Variants in ZSCAN26 observed in about 807,000 individuals in gnomAD.
The protein encoded by ZSCAN26 is zinc finger and SCAN domain containing 26.
In ZSCAN26, 26 loss-of-function variants were observed where a neutral mutation model predicts 23.0. The observed-to-expected ratio is 1.13, with a 90% CI of 0.83 to 1.57. ZSCAN26 has a LOEUF of 1.57. ZSCAN26 is among the 40% of genes most tolerant of loss of function. ZSCAN26 has a pLI of 0.00. For missense variants in ZSCAN26, 528 were observed against 568.5 expected (o/e 0.93, Z 0.72); for synonymous variants, 180 against 202.5 (o/e 0.89, Z 0.94).
chr6:28,272,151 C>T lies in ZSCAN26; in HGVS notation c.232C>T (p.Gln78Ter). 1.2e-6 allele frequency: 2 copies of T among 1,612,424 alleles called. No homozygotes were observed. Among genetic ancestry groups the T allele is most frequent in the Non-Finnish European group, 1.7e-6 (2 of 1,179,508 alleles). The change falls in exon 2 of 4, where the codon CAG becomes TAG. Residue 78 changes from glutamine to a stop codon, truncating the protein, a stop_gained. Coordinates refer to ENST00000421553, the MANE Select transcript of ZSCAN26 (RefSeq NM_001023560.4). LOFTEE classifies it high-confidence loss of function. The part of the protein sequence containing the change: ...ALSRLRELCQ[Q>*]WLQPETHTKE... ...AAGTCGGCTCCGGGAGCTCTGTCAACAGTGGCTACAGCCCGAGACCCATAC... is the reference window on the plus strand; with the variant it reads ...AAGTCGGCTCCGGGAGCTCTGTCAATAGTGGCTACAGCCCGAGACCCATAC...
rs746385615 is a variant in ZSCAN26 at position 28,276,468 on chromosome 6, C to T, written c.812C>T (p.Thr271Ile). ...ESDVCQSSSL[T>I]GHKKVLSREK... Reference sequence around the variant, plus strand: ...GATGTGTGTCAGAGTTCCAGTCTTACAGGACATAAGAAAGTCCTCTCTAGA... The same window carrying T: ...GATGTGTGTCAGAGTTCCAGTCTTATAGGACATAAGAAAGTCCTCTCTAGA... The change falls in exon 4 of 4, where the codon ACA becomes ATA. Residue 271 changes from threonine (T) to isoleucine (I), a missense_variant. Transcript: ENST00000421553. The T allele has an allele frequency of 3.1e-5, 50 of 1,613,844 alleles. No homozygotes were observed. Among genetic ancestry groups the T allele is most frequent in the Non-Finnish European group, 4.2e-5 (49 of 1,179,870 alleles).
intron 1 of ZSCAN26, among the ~76,000 whole-genome samples, chr6:28,270,598 A>C (rs1190579899): frequency 6.6e-6 from 1 of 152,218 alleles, no homozygotes; most frequent in Non-Finnish European, 1.5e-5. Context: ...ATCTGACCTG[A>C]AGAATAAGGA....
At chr6:28,272,555 G>GC (rs1761741640) in intron 2 of ZSCAN26, 115 bp from the exon 3 acceptor site, 1 of 1,046,220 alleles carries the variant, frequency 9.6e-7, no homozygotes, top group African/African-American at 1.6e-5. Flanking sequence ...TCTTTTCTTT[G>GC]CCCCTCTGGG....
At position 28,276,838 on chromosome 6, in the gene ZSCAN26, CCATCAATG is replaced by C; in HGVS notation, c.1183_1190del (p.His395Ter). On this transcript the variant is annotated frameshift_variant, in exon 4 of 4. Transcript: ENST00000421553. LOFTEE classifies it low-confidence loss of function (END_TRUNC). ...AGAGAATCCATAGTCACTCCAAAAG[CCATCAATG>C]TAACGAGTGTGGAAAAGCTTTCAGT... 2.5e-6 allele frequency: 4 copies of C among 1,613,926 alleles called. No individual in the cohort carries two copies. The highest frequency in any genetic ancestry group is 3.4e-6 in the Non-Finnish European group (4 of 1,179,856).
In ZSCAN26 at chr6:28,272,165, C is replaced by T. The variant is rs763205445; in HGVS notation, c.246C>T (p.Pro82=). The T allele has an allele frequency of 3.7e-6, 6 of 1,613,470 alleles. No homozygotes were observed. The highest frequency in any genetic ancestry group is 2.2e-5 in the East Asian group (1 of 44,852). Reference sequence around the variant, plus strand: ...AGCTCTGTCAACAGTGGCTACAGCCCGAGACCCATACCAAGGAGCAGATCC... The same window carrying T: ...AGCTCTGTCAACAGTGGCTACAGCCTGAGACCCATACCAAGGAGCAGATCC... ...LRELCQQWLQ[P]ETHTKEQILE... The change falls in exon 2 of 4, where the codon CCC becomes CCT. Residue 82 remains proline (P), a synonymous_variant. Coordinates refer to ENST00000421553, the MANE Select transcript of ZSCAN26 (RefSeq NM_001023560.4).
In ZSCAN26 at chr6:28,276,845, T is replaced by C. The variant is rs1761965974; in HGVS notation, c.1189T>C (p.Cys397Arg). 3 of 1,613,948 alleles carry C rather than the reference T, an allele frequency of 1.9e-6. No homozygotes were observed. Among genetic ancestry groups the C allele is most frequent in the Non-Finnish European group, 2.5e-6 (3 of 1,179,862 alleles). The change falls in exon 4 of 4, where the codon TGT (cysteine) becomes CGT (arginine). Residue 397 changes from cysteine to arginine, a missense_variant. By Grantham distance (180) the Cys-to-Arg change is radical. Transcript: ENST00000421553. ...CCATAGTCACTCCAAAAGCCATCAA[T>C]GTAACGAGTGTGGAAAAGCTTTCAG... ...RIHSHSKSHQ[C>R]NECGKAFSLT...
chr6:28,274,436 C>T (rs1046304697), intron 3 of ZSCAN26, among the ~76,000 whole-genome samples: 1 of 152,150 alleles, frequency 6.6e-6, no homozygotes, highest in African/African-American at 2.4e-5. Flanking sequence ...ACCATGTAAT[C>T]AGTGATGGGT....
intron 3 of ZSCAN26, 65 bp from the exon 4 acceptor site, chr6:28,276,130 G>A: frequency 2.1e-6 from 3 of 1,435,076 alleles, no homozygotes; most frequent in Non-Finnish European, 2.8e-6. Context: ...TTTCCTTTTA[G>A]TTGCAGATTC....
chr6:28,276,562 GA>G lies in ZSCAN26; in HGVS notation c.910del (p.Ile304SerfsTer103). 3.7e-6 allele frequency: 6 copies of G among 1,613,490 alleles called. No homozygotes were observed. Among genetic ancestry groups the G allele is most frequent in the South Asian group, 1.1e-5 (1 of 90,934 alleles). ...QRSSHLVRHQ[K>X]IHLGEKPYQC... ...GGAGTTCACACCTCGTCAGACATCA[GA>G]AAATCCATCTTGGTGAGAAGCCTTA... On this transcript the variant is annotated frameshift_variant, in exon 4 of 4. Transcript: ENST00000421553. LOFTEE classifies it low-confidence loss of function (END_TRUNC).
rs1483536277 is a variant in ZSCAN26, at chr6:28,277,064, C to CA, written c.1409dup (p.Arg471GlufsTer26). ...GCAAAGGTCAGGTCTTTTTCAACAT[C>CA]AGAGATATCACCACAAAGACAAACT... On this transcript the variant is annotated frameshift_variant, in exon 4 of 4. Coordinates refer to ENST00000421553, the MANE Select transcript of ZSCAN26 (RefSeq NM_001023560.4). LOFTEE classifies it high-confidence loss of function. The CA allele has an allele frequency of 6.2e-7, 1 of 1,613,538 alleles. No individual in the cohort carries two copies. Among genetic ancestry groups the CA allele is most frequent in the East Asian group, 2.2e-5 (1 of 44,894 alleles).
At chr6:28,269,805 T>G (rs1222512384) in intron 1 of ZSCAN26, among the ~76,000 whole-genome samples, 2 of 152,204 alleles carry the variant, frequency 1.3e-5, no homozygotes, top group African/African-American at 4.8e-5. Context: ...TCTACCAATT[T>G]AAATGTTAAT....
Position 28,272,226 on chromosome 6 carries a change from C to A in ZSCAN26, c.307C>A (p.Leu103Met). The change falls in exon 2 of 4, where the codon CTG becomes ATG. Residue 103 changes from leucine (L) to methionine (M), a missense_variant. By Grantham distance (15) the Leu-to-Met change is conservative (BLOSUM62 2). Coordinates refer to ENST00000421553, the MANE Select transcript of ZSCAN26 (RefSeq NM_001023560.4). ...GGTGCTGGAGCAGTTTCTGATCATC[C>A]TGCCTAAGGAGCTCCAGGCCCGGGT... is the stretch of plus-strand genomic sequence containing the variant. Reference protein sequence around the residue: ...LLVLEQFLIILPKELQARVQE... With the variant: ...LLVLEQFLIIMPKELQARVQE... 4 of 1,613,980 alleles carry A rather than the reference C, an allele frequency of 2.5e-6. No individual in the cohort carries two copies. Among genetic ancestry groups the A allele is most frequent in the Non-Finnish European group, 3.4e-6 (4 of 1,179,936 alleles).
chr6:28,273,810 C>T (rs975301059), intron 3 of ZSCAN26, among the ~76,000 whole-genome samples: 16 of 151,938 alleles, frequency 1.1e-4, no homozygotes, highest in South Asian at 6.3e-4. Context: ...CTTGACCTTC[C>T]AGGCTCAAGT....
Position 28,269,125 on chromosome 6 carries a change from A to G in ZSCAN26, c.-67+1912A>G, listed in dbSNP as rs866421395. On this transcript the variant is annotated intron_variant, in intron 1 of 3. Transcript: ENST00000421553. ...CAGACTCCATTTCAAAGAAAAAAAAAAAACACATCATACCCTATATATACA... is the reference window on the plus strand; with the variant it reads ...CAGACTCCATTTCAAAGAAAAAAAAGAAACACATCATACCCTATATATACA... 2.1e-3 allele frequency among the ~76,000 whole-genome samples: 322 copies of G among 152,064 alleles called. 2 individuals carry two copies. The highest frequency in any genetic ancestry group is 6.9e-3 in the African/African-American group (286 of 41,466).
rs1056722231 is a variant in ZSCAN26 at position 28,278,193 on chromosome 6, G to C, written c.*1097G>C. 1 of 152,074 alleles carries C rather than the reference G, an allele frequency of 6.6e-6. No individual in the cohort carries two copies. The highest frequency in any genetic ancestry group is 1.5e-5 in the Non-Finnish European group (1 of 68,020). The allele number at this position is 152,074 out of a possible 1,614,324, so 9.4% of individuals were successfully genotyped here. A position where few individuals can be genotyped will look rare whatever the true frequency, so the allele number is the denominator to read the frequency against. On this transcript the variant is annotated 3_prime_UTR_variant, in exon 4 of 4. Transcript: ENST00000421553. ...AGAATACTGTTTCCTTCTAATAAAG[G>C]TTTCAAACAAATCCCTGCAGATTTA...
intron 3 of ZSCAN26, among the ~76,000 whole-genome samples, chr6:28,273,747 C>G (rs1307685958): frequency 6.8e-6 from 1 of 147,628 alleles, no homozygotes; most frequent in African/African-American, 2.5e-5. Flanking sequence ...GAGACAGGGT[C>G]TTGCTCTGTC....
chr6:28,268,077 T>C (rs1761517158), intron 1 of ZSCAN26, among the ~76,000 whole-genome samples: 1 of 152,186 alleles, frequency 6.6e-6, no homozygotes, highest in African/African-American at 2.4e-5. Context: ...AGAAAAGATC[T>C]GAGGTTTAGC....
chr6:28,272,302 A>G lies in ZSCAN26; in HGVS notation c.383A>G (p.Asp128Gly). The G allele has an allele frequency of 6.4e-7, 1 of 1,572,708 alleles. No individual in the cohort carries two copies. Among genetic ancestry groups the G allele is most frequent in the Non-Finnish European group, 8.6e-7 (1 of 1,158,732 alleles). Residue 128 changes from aspartate to glycine, a missense_variant, in exon 2 of 4, where the codon GAT becomes GGT. By Grantham distance (94) the Asp-to-Gly change is moderately conservative. Transcript: ENST00000421553. ...SREDVVVVLE[D>G]LQLDLGETGQ... is the part of the protein sequence containing the mutation. ...GAGGACGTGGTTGTTGTTCTGGAGG[A>G]TTTGCAGCTGGATCTTGGAGAAACA...
rs2113730157 is a variant in ZSCAN26, at chr6:28,276,806, C to T, written c.1150C>T (p.His384Tyr). The change falls in exon 4 of 4, where the codon CAC becomes TAC. Residue 384 changes from histidine (H) to tyrosine (Y), a missense_variant. Physicochemically the swap from His to Tyr is moderately conservative, Grantham distance 83. Coordinates refer to ENST00000421553, the MANE Select transcript of ZSCAN26 (RefSeq NM_001023560.4). ...KTFSQALLLT[H>Y]HQRIHSHSKS... The stretch of plus-strand genomic sequence containing the variant: ...CTTTAGTCAGGCCTTACTCCTCACC[C>T]ACCATCAGAGAATCCATAGTCACTC... 3 of 1,613,950 alleles carry T rather than the reference C, an allele frequency of 1.9e-6. No homozygotes were observed. In the East Asian group the frequency reaches 6.7e-5, roughly 36 times the overall value.
Sources: gnomAD v4.1 joint callset for allele counts (sites outside exome capture counted in the v4.1 genomes callset) on GRCh38, gnomAD v4.1.1 for gene constraint, MANE v1.5 for transcripts, NCBI Gene and HGNC (gene_info 2026-07-23, HGNC 2026-07-21) for gene names.